Variants in ARHGEF28 observed in about 807,000 individuals in gnomAD.
ARHGEF28 encodes the protein 190 kDa guanine nucleotide exchange factor.
Under a neutral mutation model 206.6 loss-of-function variants are expected in ARHGEF28, and 152 were observed. The ratio of observed to expected loss-of-function variants is 0.74; its 90% confidence interval spans 0.64 to 0.84. The LOEUF is 0.84. ARHGEF28 is among the 40% of genes least tolerant of loss of function. The probability of loss-of-function intolerance (pLI) is 0.00; values close to 1 mark genes in which losing one functional copy is unlikely to be tolerated. For synonymous variants in ARHGEF28, 763 were observed against 776.4 expected, an observed-to-expected ratio of 0.98 and a Z score of 0.29; for missense variants, 2,028 against 2,073.2, an observed-to-expected ratio of 0.98 and a Z score of 0.42.
chr5:73,783,275 A>T (rs1293716534), intron 7 of ARHGEF28, among the ~76,000 whole-genome samples: 1 of 152,034 alleles, frequency 6.6e-6, no homozygotes, highest in Non-Finnish European at 1.5e-5. Flanking sequence ...GGAATTCTAC[A>T]TGCAATACAA....
At chr5:73,809,508 G>C (rs1186415590) in intron 9 of ARHGEF28, among the ~76,000 whole-genome samples, 1 of 152,122 alleles carries the variant, frequency 6.6e-6, no homozygotes, top group South Asian at 2.1e-4. Context: ...TTTCTTTTTA[G>C]CTTGTGGTGC....
chr5:73,849,705 AG>A (rs1012510259), intron 13 of ARHGEF28, among the ~76,000 whole-genome samples: 1 of 152,062 alleles, frequency 6.6e-6, no homozygotes, highest in Non-Finnish European at 1.5e-5. Context: ...AAGTGAATTC[AG>A]ATCTATAAAT....
chr5:73,851,672 G>C (rs934734961), intron 13 of ARHGEF28, among the ~76,000 whole-genome samples: 1 of 152,046 alleles, frequency 6.6e-6, no homozygotes, highest in Non-Finnish European at 1.5e-5. Context: ...TTGAACAGTT[G>C]GTGGCTTATT....
chr5:73,673,983 G>A (rs1052523283), intron 1 of ARHGEF28, among the ~76,000 whole-genome samples: 5 of 149,778 alleles, frequency 3.3e-5, no homozygotes, highest in Middle Eastern at 3.4e-3. Flanking sequence ...ACCAGCCTGG[G>A]CAACAGAGTG....
intron 35 of ARHGEF28, chr5:73,923,273 A>T: frequency 1.0e-6 from 1 of 970,154 alleles, no homozygotes; most frequent in East Asian, 2.7e-5. Flanking sequence ...GCAGTCTGAG[A>T]TAAAGCATGG....
rs765169112 is a variant in ARHGEF28 at position 73,832,441 on chromosome 5, C to T, written c.1128C>T (p.Asn376=). The T allele has an allele frequency of 3.7e-6, 6 of 1,612,490 alleles. 1 individual carries two copies. In the South Asian group the frequency reaches 5.5e-5, roughly 15 times the overall value. Reference sequence around the variant, plus strand: ...ATGGAGGTGATGAAGTCTACGCTAACTGTATGGTGATTGATCAGGTAAGGC... The same window carrying T: ...ATGGAGGTGATGAAGTCTACGCTAATTGTATGGTGATTGATCAGGTAAGGC... The part of the protein sequence containing the change: ...MLNGGDEVYA[N]CMVIDQVGDL... The change falls in exon 10 of 36, where the codon AAC becomes AAT. Residue 376 remains asparagine (N), a synonymous_variant. Transcript: ENST00000513042.
chr5:73,761,366 T>C lies in ARHGEF28; in HGVS notation c.475+8164T>C, dbSNP rs575993923. On this transcript the variant is annotated intron_variant, in intron 4 of 35. Coordinates refer to ENST00000513042, the MANE Select transcript of ARHGEF28 (RefSeq NM_001177693.2). ...CTACAAACCAAATGAAATATTGGTT[T>C]GTAGATAAAACATTGGTTTTAAAAC... 6.3e-4 allele frequency among the ~76,000 whole-genome samples: 96 copies of C among 152,310 alleles called. 2 individuals are homozygous for C. The South Asian group carries it at 0.017, about 28-fold the overall frequency.
chr5:73,879,858 G>T, intron 22 of ARHGEF28, among the ~76,000 whole-genome samples: 1 of 152,224 alleles, frequency 6.6e-6, no homozygotes, highest in Non-Finnish European at 1.5e-5. Flanking sequence ...TCCCAGTTAG[G>T]CTGCTCGGGG....
intron 1 of ARHGEF28, among the ~76,000 whole-genome samples, chr5:73,630,521 T>C (rs960585807): frequency 6.6e-6 from 1 of 152,188 alleles, no homozygotes; most frequent in Non-Finnish European, 1.5e-5. Context: ...TAAGTTGTAG[T>C]TATAGCAAAT....
intron 23 of ARHGEF28, 119 bp from the exon 24 acceptor site, chr5:73,883,648 G>C (rs1761090106): frequency 7.6e-6 from 4 of 523,240 alleles, no homozygotes; most frequent in Admixed American, 8.1e-5. Context: ...TTAATTGATA[G>C]CAATGAATGT....
chr5:73,917,756 A>G (rs541729676), intron 35 of ARHGEF28, among the ~76,000 whole-genome samples: 1 of 152,372 alleles, frequency 6.6e-6, no homozygotes, highest in South Asian at 2.1e-4. Context: ...TCCAGAGAGC[A>G]TCAGAGGTTA....
chr5:73,829,904 G>T (rs1168094488), intron 9 of ARHGEF28, among the ~76,000 whole-genome samples: 2 of 152,110 alleles, frequency 1.3e-5, no homozygotes, highest in East Asian at 3.8e-4. Flanking sequence ...AGAAAAGCTT[G>T]GGAAGTGTTG....
At chr5:73,921,285 T>C (rs1003527074) in intron 35 of ARHGEF28, among the ~76,000 whole-genome samples, 6 of 152,226 alleles carry the variant, frequency 3.9e-5, no homozygotes, top group African/African-American at 1.2e-4. Context: ...GACTGAAACA[T>C]ACTTGTGTTC....
chr5:73,887,655 C>CCAGAAATA lies in ARHGEF28; in HGVS notation c.3366_3373dup (p.Ile1125ArgfsTer34), dbSNP rs1367697461. Reference sequence around the variant, plus strand: ...TGCTGCTCTTTTTACAAGAAAAAGACCAGAAATACATCTTTGCAGCCGTTG... The same window carrying CCAGAAATA: ...TGCTGCTCTTTTTACAAGAAAAAGACCAGAAATACAGAAATACATCTTTGCAGCCGTTG... On this transcript the variant is annotated frameshift_variant, in exon 26 of 36. Coordinates refer to ENST00000513042, the MANE Select transcript of ARHGEF28 (RefSeq NM_001177693.2). LOFTEE classifies it high-confidence loss of function. 6.4e-7 allele frequency: 1 copy of CCAGAAATA among 1,573,440 alleles called. No individual in the cohort carries two copies. Among genetic ancestry groups the CCAGAAATA allele is most frequent in the East Asian group, 2.3e-5 (1 of 43,796 alleles).
At chr5:73,776,045 T>C (rs1054280177) in intron 5 of ARHGEF28, among the ~76,000 whole-genome samples, 2 of 152,220 alleles carry the variant, frequency 1.3e-5, no homozygotes, top group African/African-American at 4.8e-5. Context: ...AGTGGTACCA[T>C]GTGTTATGAA....
chr5:73,911,829 T>A (rs1015367036), intron 35 of ARHGEF28: 9 of 415,874 alleles, frequency 2.2e-5, no homozygotes, highest in Non-Finnish European at 3.4e-5. Flanking sequence ...CCAGACAGGA[T>A]TTTTAGATGT....
chr5:73,657,191 A>T (rs1158710080), intron 1 of ARHGEF28, among the ~76,000 whole-genome samples: 3 of 151,492 alleles, frequency 2.0e-5, no homozygotes, highest in Non-Finnish European at 4.4e-5. Flanking sequence ...AAAAAAAAAA[A>T]AAAGAATGTT....
intron 33 of ARHGEF28, chr5:73,905,164 A>T (rs1402649664): frequency 6.6e-6 from 1 of 152,268 alleles, no homozygotes; most frequent in Non-Finnish European, 1.5e-5. Context: ...TTAGATTCTT[A>T]TAGGAGCGTG....
chr5:73,893,183 A>G lies in ARHGEF28; in HGVS notation c.3567-14A>G. ...TTGGTTTCAGTTGTGTCTCTTGACTATTGTCTTTTAAAGTTGTCCTGAAGA... is the reference window on the plus strand; with the variant it reads ...TTGGTTTCAGTTGTGTCTCTTGACTGTTGTCTTTTAAAGTTGTCCTGAAGA... On this transcript the variant is annotated splice_polypyrimidine_tract_variant and intron_variant, in intron 27 of 35. Transcript: ENST00000513042. 2 of 1,536,328 alleles carry G rather than the reference A, an allele frequency of 1.3e-6. No individual in the cohort carries two copies. The highest frequency in any genetic ancestry group is 2.1e-5 in the Admixed American group (1 of 48,304).
Sources: gnomAD v4.1 joint callset for allele counts (sites outside exome capture counted in the v4.1 genomes callset) on GRCh38, gnomAD v4.1.1 for gene constraint, MANE v1.5 for transcripts, NCBI Gene and HGNC (gene_info 2026-07-23, HGNC 2026-07-21) for gene names.